TFEC: variants seen among roughly 807,000 people sequenced by gnomAD.
The protein encoded by TFEC is transcription factor EC.
In TFEC, 31 loss-of-function variants were observed where a neutral mutation model predicts 41.6. That is an observed-to-expected ratio of 0.74 (90% CI 0.56 to 1.01). The LOEUF (loss-of-function observed/expected upper bound fraction) is 1.01. Ranked by LOEUF, TFEC falls within the 50% of genes least tolerant of loss-of-function variation. The pLI is 0.00. For synonymous variants in TFEC, 143 were observed against 140.6 expected (o/e 1.02, Z -0.12); for missense variants, 402 against 404.1 (o/e 0.99, Z 0.04).
chr7:116,054,561 AC>A lies in TFEC; in HGVS notation c.198+56146del, dbSNP rs67942540. 5.4e-3 allele frequency among the ~76,000 whole-genome samples: 820 copies of A among 152,300 alleles called. 5 individuals are homozygous for A. Among genetic ancestry groups the A allele is most frequent in the African/African-American group, 0.019 (792 of 41,576 alleles). On this transcript the variant is annotated intron_variant, in intron 3 of 8. Coordinates refer to the TFEC transcript ENST00000484212. ...TGGTCAACGAATAAAGTGAATTGAC[AC>A]TTAGCTGGTGAATGATGGAGGATGG...
chr7:116,072,349 C>A (rs1524469), intron 3 of TFEC, among the ~76,000 whole-genome samples: 78,815 of 151,346 alleles, frequency 0.52, 21,518 homozygotes, highest in East Asian at 0.8. Context: ...AAACTAACTT[C>A]TTAAATAAAC....
At chr7:116,058,682 T>C (rs1490739582) in intron 3 of TFEC, among the ~76,000 whole-genome samples, 1 of 151,792 alleles carries the variant, frequency 6.6e-6, no homozygotes, top group African/African-American at 2.4e-5. Context: ...ATTCATATCA[T>C]GCAAAATACG....
chr7:116,068,112 T>A (rs1455957490), intron 3 of TFEC, among the ~76,000 whole-genome samples: 1 of 151,936 alleles, frequency 6.6e-6, no homozygotes, highest in African/African-American at 2.4e-5. Flanking sequence ...AAATGAAGAC[T>A]TAATTGGTAG....
At chr7:116,054,028 T>C (rs927424206) in intron 3 of TFEC, among the ~76,000 whole-genome samples, 15 of 152,192 alleles carry the variant, frequency 9.9e-5, no homozygotes, top group African/African-American at 3.1e-4. Context: ...TGATAACTTA[T>C]TGGAGTTTAC....
At chr7:115,976,414 G>A (rs531178560) in intron 2 of TFEC, among the ~76,000 whole-genome samples, 2 of 152,200 alleles carry the variant, frequency 1.3e-5, no homozygotes, top group South Asian at 2.1e-4. Context: ...GACAGAGTGA[G>A]ACCCCATCTC....
chr7:116,136,342 G>A (rs1238812855), intron 1 of TFEC, among the ~76,000 whole-genome samples: 4 of 151,744 alleles, frequency 2.6e-5, no homozygotes, highest in East Asian at 1.9e-4. Context: ...ACTCAAATAC[G>A]CATATCTGCT....
intron 3 of TFEC, among the ~76,000 whole-genome samples, chr7:115,961,923 T>G (rs959921140): frequency 2.6e-5 from 4 of 151,444 alleles, no homozygotes; most frequent in African/African-American, 9.7e-5. Flanking sequence ...CTCCCTAAGA[T>G]TCTACACTTA....
chr7:116,012,841 A>C (rs1341562070), intron 1 of TFEC, among the ~76,000 whole-genome samples: 4 of 151,536 alleles, frequency 2.6e-5, no homozygotes, highest in African/African-American at 7.2e-5. Context: ...AAAAAAAAAA[A>C]AAACCCAAAC....
chr7:116,121,724 G>A (rs556247956), intron 1 of TFEC, among the ~76,000 whole-genome samples: 3 of 151,904 alleles, frequency 2.0e-5, no homozygotes, highest in Non-Finnish European at 4.4e-5. Flanking sequence ...ATTATGTGAC[G>A]ATTATCTTTT....
intron 3 of TFEC, among the ~76,000 whole-genome samples, chr7:116,093,019 A>T (rs539060012): frequency 1.1e-4 from 16 of 152,270 alleles, no homozygotes; most frequent in Non-Finnish European, 8.8e-5. Flanking sequence ...ATTTTTTACA[A>T]AGGTGAAGGG....
chr7:116,131,954 A>C (rs1266614948), intron 1 of TFEC, among the ~76,000 whole-genome samples: 1 of 152,168 alleles, frequency 6.6e-6, no homozygotes, highest in Admixed American at 6.5e-5. Context: ...TGCACTCCTA[A>C]AAATTTTCCT....
chr7:116,148,741 G>C (rs1327608384), intron 1 of TFEC, among the ~76,000 whole-genome samples: 1 of 152,168 alleles, frequency 6.6e-6, no homozygotes, highest in Non-Finnish European at 1.5e-5. Context: ...ACATCTATTA[G>C]ACATCAGTGT....
chr7:116,104,844 G>A (rs1797680754), intron 3 of TFEC, among the ~76,000 whole-genome samples: 1 of 151,588 alleles, frequency 6.6e-6, no homozygotes, highest in African/African-American at 2.4e-5. Flanking sequence ...ATTTATATCT[G>A]GAGGAGATGA....
At position 115,935,852 on chromosome 7, in the gene TFEC, C is replaced by T. The variant is rs535836502; in HGVS notation, c.*4699G>A. On this transcript the variant is annotated 3_prime_UTR_variant, in exon 8 of 8. Transcript: ENST00000265440. ...CAGAGAATTTCATCAGTAGAAAACA[C>T]AATAGAAGTCATCTGATTATGCAGA... The T allele has an allele frequency of 4.6e-5, 7 of 151,538 alleles. No homozygotes were observed. The South Asian group carries it at 1.0e-3, about 22-fold the overall frequency. The allele number at this position is 151,538 out of a possible 1,614,324, so 9.4% of individuals were successfully genotyped here.
chr7:116,139,972 G>T (rs1429888233), intron 1 of TFEC, among the ~76,000 whole-genome samples: 2 of 152,176 alleles, frequency 1.3e-5, no homozygotes, highest in Non-Finnish European at 2.9e-5. Context: ...ATAGATCCAA[G>T]GATAAACAAA....
chr7:116,069,550 G>T (rs1796776603), intron 3 of TFEC, among the ~76,000 whole-genome samples: 1 of 151,684 alleles, frequency 6.6e-6, no homozygotes, highest in South Asian at 2.1e-4. Flanking sequence ...ATGTAATAGT[G>T]ATGTGTCATG....
intron 1 of TFEC, among the ~76,000 whole-genome samples, chr7:116,159,473 A>G (rs1798932686): frequency 6.6e-6 from 1 of 152,048 alleles, no homozygotes; most frequent in Admixed American, 6.6e-5. Flanking sequence ...AACTTCAGCG[A>G]TATTTGAAAC....
chr7:116,123,239 T>C (rs1003344644), intron 1 of TFEC, among the ~76,000 whole-genome samples: 2 of 152,070 alleles, frequency 1.3e-5, no homozygotes, highest in Non-Finnish European at 2.9e-5. Flanking sequence ...TTCAAAAATA[T>C]TGGGGGTTTG....
intron 6 of TFEC, among the ~76,000 whole-genome samples, chr7:115,942,621 T>C (rs1488623263): frequency 6.6e-6 from 1 of 152,062 alleles, no homozygotes; most frequent in Non-Finnish European, 1.5e-5. Context: ...ATTTTTTTTC[T>C]ATACAAACAT....
Sources: allele counts gnomAD v4.1 joint callset (sites outside exome capture counted in the v4.1 genomes callset), GRCh38; gene constraint gnomAD v4.1.1; transcripts MANE v1.5; gene names NCBI Gene and HGNC (gene_info 2026-07-23, HGNC 2026-07-21).